Variants in ZNF808 observed in about 807,000 individuals in gnomAD.
The protein encoded by ZNF808 is zinc finger protein 808.
In ZNF808, 5 loss-of-function variants were observed where a neutral mutation model predicts 8.7. The ratio of observed to expected loss-of-function variants is 0.58; its 90% CI spans 0.30 to 1.21. ZNF808 has a LOEUF of 1.21. ZNF808 is among the 50% of genes most tolerant of loss of function. The pLI is 0.07. For synonymous variants in ZNF808, 380 were observed against 366.0 expected (o/e 1.04, Z -0.44); for missense variants, 1,103 against 1,098.4 (o/e 1.00, Z -0.06).
downstream of ZNF808, among the ~76,000 whole-genome samples, chr19:52,560,248 C>T (rs1170601976): frequency 6.6e-6 from 1 of 151,900 alleles, no homozygotes; most frequent in Admixed American, 6.6e-5. Context: ...ATTGCTTGAA[C>T]CTGGGTGGAA....
chr19:52,540,559 T>G (rs2059660811), intron 2 of ZNF808, among the ~76,000 whole-genome samples: 1 of 152,206 alleles, frequency 6.6e-6, no homozygotes, highest in Admixed American at 6.5e-5. Flanking sequence ...TACCCTAACA[T>G]GAAAATTCAG....
chr19:52,567,482 A>AT (rs751832324), downstream of ZNF808, among the ~76,000 whole-genome samples: 4 of 91,634 alleles, frequency 4.4e-5, no homozygotes, highest in Non-Finnish European at 7.2e-5. Flanking sequence ...GTCCAGCTGT[A>AT]TTTTTTATTA....
chr19:52,564,248 T>C (rs2059866982), exon 4 of ZNF808: 4 of 919,226 alleles, frequency 4.4e-6, no homozygotes, highest in Admixed American at 1.8e-5. Context: ...GCACGTGAGA[T>C]GGCACACATA....
chr19:52,561,846 T>G (rs1251281215), intron 3 of ZNF808, among the ~76,000 whole-genome samples: 2 of 152,142 alleles, frequency 1.3e-5, no homozygotes, highest in African/African-American at 4.8e-5. Flanking sequence ...GGTGCCTGGC[T>G]GCCTCCAGGG....
intron 2 of ZNF808, among the ~76,000 whole-genome samples, chr19:52,539,351 C>T (rs1266132295): frequency 6.6e-6 from 1 of 151,216 alleles, no homozygotes; most frequent in Non-Finnish European, 1.5e-5. Flanking sequence ...TGCAGCCACA[C>T]CTGTCTGATT....
intron 2 of ZNF808, among the ~76,000 whole-genome samples, chr19:52,542,125 C>G (rs573456614): frequency 1.1e-3 from 173 of 151,412 alleles, no homozygotes; most frequent in South Asian, 6.7e-3. Context: ...CGAATTTTCA[C>G]TCTTGTGGCC....
chr19:52,562,388 G>T (rs946053665), intron 3 of ZNF808, among the ~76,000 whole-genome samples: 7 of 147,960 alleles, frequency 4.7e-5, no homozygotes, highest in East Asian at 3.9e-4. Flanking sequence ...CAAAAATAAA[G>T]AAAGAAAGAA....
chr19:52,547,302 C>G (rs2059731453), intron 3 of ZNF808, among the ~76,000 whole-genome samples: 1 of 151,896 alleles, frequency 6.6e-6, no homozygotes, highest in South Asian at 2.1e-4. Context: ...ATCGAGACTT[C>G]CATAGTGACT....
At chr19:52,559,976 TA>T (rs1196919394), downstream of ZNF808, among the ~76,000 whole-genome samples, 2 of 152,240 alleles carry the variant, frequency 1.3e-5, no homozygotes, top group East Asian at 3.8e-4. Flanking sequence ...CAATAAGGTA[TA>T]TTTTTTATAG....
At chr19:52,556,393 C>T (rs1299071176), downstream of ZNF808, 7 of 154,628 alleles carry the variant, frequency 4.5e-5, no homozygotes, top group African/African-American at 1.2e-4. Context: ...ATGATGTGAT[C>T]TCAGCTCACC....
chr19:52,528,436 C>A (rs966446995), intron 1 of ZNF808, among the ~76,000 whole-genome samples: 4 of 152,050 alleles, frequency 2.6e-5, no homozygotes, highest in Non-Finnish European at 5.9e-5. Context: ...TAAGAAAGGC[C>A]CATAACAGAT....
rs2059799884 is a variant in ZNF808 at position 52,553,581 on chromosome 19, A to G, written c.665A>G (p.Gln222Arg). 1 of 1,614,206 alleles carries G rather than the reference A, an allele frequency of 6.2e-7. No homozygotes were observed. The highest frequency in any genetic ancestry group is 1.1e-5 in the South Asian group (1 of 91,084). ...AATTCTTCATTACTCCCACAAAAAC[A>G]GGAAGTACACATGAGAGAAAAATCT... is the stretch of plus-strand genomic sequence containing the variant. ...PLNSSLLPQK[Q>R]EVHMREKSFP... The change falls in exon 5 of 5, where the codon CAG becomes CGG. Residue 222 changes from glutamine (Q) to arginine (R), a missense_variant. Transcript: ENST00000359798.
In ZNF808 at chr19:52,555,605, C is replaced by G; in HGVS notation, c.2689C>G (p.His897Asp). The G allele has an allele frequency of 6.2e-7, 1 of 1,604,982 alleles. No individual in the cohort carries two copies. The highest frequency in any genetic ancestry group is 2.2e-5 in the East Asian group (1 of 44,820). ...AACACTTATTCACCATCAGGCAATT[C>G]ATGGTATAGGGAAATTTGATTAATA... ...RSTLIHHQAI[H>D]GIGKFD The change falls in exon 5 of 5, where the codon CAT (histidine) becomes GAT (aspartate). Residue 897 changes from histidine (H) to aspartate (D), a missense_variant. Coordinates refer to ENST00000359798, the MANE Select transcript of ZNF808 (RefSeq NM_001039886.4).
intron 3 of ZNF808, among the ~76,000 whole-genome samples, chr19:52,543,813 C>T (rs2059695588): frequency 6.6e-6 from 1 of 151,446 alleles, no homozygotes; most frequent in Admixed American, 6.6e-5. Flanking sequence ...TTTGAAGCCA[C>T]ACTAGTAGAT....
At chr19:52,530,399 C>A (rs1027271329) in intron 1 of ZNF808, among the ~76,000 whole-genome samples, 1 of 152,076 alleles carries the variant, frequency 6.6e-6, no homozygotes. Flanking sequence ...CATGGTGGCT[C>A]ACGCCTGTAA....
chr19:52,562,506 A>G (rs768128066), intron 3 of ZNF808, among the ~76,000 whole-genome samples: 3 of 152,068 alleles, frequency 2.0e-5, no homozygotes, highest in Non-Finnish European at 2.9e-5. Context: ...GAGAATAAGA[A>G]CTCTGAACAT....
At chr19:52,547,938 C>T (rs2059739488) in intron 4 of ZNF808, among the ~76,000 whole-genome samples, 1 of 152,004 alleles carries the variant, frequency 6.6e-6, no homozygotes, top group Non-Finnish European at 1.5e-5. Flanking sequence ...AGGGTTTCTC[C>T]ATGTTGGTCA....
intron 2 of ZNF808, among the ~76,000 whole-genome samples, chr19:52,536,349 C>G (rs1299378722): frequency 6.6e-6 from 1 of 152,096 alleles, no homozygotes; most frequent in Non-Finnish European, 1.5e-5. Context: ...GTCCCCGACC[C>G]GCGAGGTGGA....
In ZNF808 at chr19:52,546,642, C is replaced by CTTTTT. The variant is rs67940309; in HGVS notation, c.64-854_64-850dup. The stretch of plus-strand genomic sequence containing the variant: ...GTCTGTAGAGAAAACCCTGTGTTTG[C>CTTTTT]TTTTTTTTTTTTTTTTTTTTGAGAT... On this transcript the variant is annotated intron_variant, in intron 3 of 4. Coordinates refer to ENST00000359798, the MANE Select transcript of ZNF808 (RefSeq NM_001039886.4). Among the ~76,000 whole-genome samples, 16 of 98,792 alleles carry CTTTTT rather than the reference C, an allele frequency of 1.6e-4. 1 individual carries two copies. Among genetic ancestry groups the CTTTTT allele is most frequent in the East Asian group, 3.0e-4 (1 of 3,384 alleles). 64.8% of individuals were successfully genotyped at this position (98,792 alleles called of 152,430 possible). A position where few individuals can be genotyped will look rare whatever the true frequency, so the allele number is the denominator to read the frequency against.
Sources: allele counts gnomAD v4.1 joint callset (sites outside exome capture counted in the v4.1 genomes callset), GRCh38; gene constraint gnomAD v4.1.1; transcripts MANE v1.5; gene names NCBI Gene and HGNC (gene_info 2026-07-23, HGNC 2026-07-21).